Variants in WSCD1 observed in about 807,000 individuals in gnomAD.
WSCD1 encodes sialate:O-sulfotransferase 1.
Under a neutral mutation model 60.4 loss-of-function variants are expected in WSCD1, and 41 were observed. That is an observed-to-expected ratio of 0.68 (90% CI 0.53 to 0.88). The LOEUF is 0.88. Ranked by LOEUF, WSCD1 falls within the 40% of genes least tolerant of loss-of-function variation. The pLI is 0.00. For synonymous variants in WSCD1, 361 were observed against 332.5 expected (o/e 1.09, Z -0.93); for missense variants, 784 against 796.2 (o/e 0.98, Z 0.18).
intron 4 of WSCD1, among the ~76,000 whole-genome samples, chr17:6,092,499 C>A (rs867029065): frequency 9.9e-5 from 15 of 152,120 alleles, no homozygotes; most frequent in African/African-American, 9.7e-5. Flanking sequence ...ATGAACTTGG[C>A]AGTGTCTCAC....
intron 1 of WSCD1, among the ~76,000 whole-genome samples, chr17:6,072,423 T>G (rs1256529242): frequency 6.6e-6 from 1 of 152,202 alleles, no homozygotes; most frequent in Non-Finnish European, 1.5e-5. Context: ...CAGGCCCTGA[T>G]GGAACCCCTC....
At chr17:6,069,431 GA>G (rs1567546323), upstream of WSCD1, 62 of 46,316 alleles carry the variant, frequency 1.3e-3, no homozygotes, top group African/African-American at 4.1e-3. Flanking sequence ...GTGTGTGTGA[GA>G]GAGAGAGAGA....
chr17:6,098,770 G>A (rs1049676978), intron 5 of WSCD1, among the ~76,000 whole-genome samples: 17 of 152,218 alleles, frequency 1.1e-4, no homozygotes, highest in Admixed American at 5.2e-4. Context: ...GGTATTGGCA[G>A]CGCATATTTA....
intron 5 of WSCD1, among the ~76,000 whole-genome samples, chr17:6,100,230 G>A (rs993597831): frequency 1.3e-5 from 2 of 152,174 alleles, no homozygotes; most frequent in Non-Finnish European, 2.9e-5. Flanking sequence ...TGGGTTTGTG[G>A]GTGAGCGGGG....
At chr17:6,094,744 G>A (rs567380589) in intron 4 of WSCD1, among the ~76,000 whole-genome samples, 80 of 144,230 alleles carry the variant, frequency 5.5e-4, no homozygotes, top group African/African-American at 2.1e-3. Context: ...GAAGGAGGGA[G>A]GGAGGGAATG....
chr17:6,107,899 G>A (rs1911186392), intron 5 of WSCD1, among the ~76,000 whole-genome samples: 1 of 152,160 alleles, frequency 6.6e-6, no homozygotes, highest in South Asian at 2.1e-4. Flanking sequence ...AGTGGTGTAG[G>A]GGCCGTGAGG....
Position 6,075,527 on chromosome 17 carries a change from AAAGTAATAGAC to A in WSCD1, c.-288-4841_-288-4831del, listed in dbSNP as rs1343402065. ...TGCTCCCTCGGTCCCAGATGGCAAC[AAAGTAATAGAC>A]AAAAGCTCAGGTTGTCTGAATATCC... is the stretch of plus-strand genomic sequence containing the variant. On this transcript the variant is annotated intron_variant, in intron 1 of 8. Coordinates refer to ENST00000317744, the MANE Select transcript of WSCD1 (RefSeq NM_015253.2). This position sits in a 1 kb window ranked among gnomAD's most constrained non-coding sequence, Gnocchi z 4.1. Among the ~76,000 whole-genome samples the A allele has an allele frequency of 6.6e-6, 1 of 152,112 alleles. No homozygotes were observed. The highest frequency in any genetic ancestry group is 1.5e-5 in the Non-Finnish European group (1 of 68,014).
At chr17:6,071,243 A>G (rs1338016625) in intron 1 of WSCD1, 1 of 152,234 alleles carries the variant, frequency 6.6e-6, no homozygotes, top group African/African-American at 2.4e-5. Context: ...GAGACTCACG[A>G]CTGAAGGTTG....
At chr17:6,086,947 A>G (rs1352229777) in intron 2 of WSCD1, among the ~76,000 whole-genome samples, 1 of 152,178 alleles carries the variant, frequency 6.6e-6, no homozygotes, top group Non-Finnish European at 1.5e-5. Context: ...GAGACAGCCT[A>G]ATTTCTCTGG....
At chr17:6,092,245 A>G (rs542986983) in intron 4 of WSCD1, among the ~76,000 whole-genome samples, 1 of 151,726 alleles carries the variant, frequency 6.6e-6, no homozygotes, top group East Asian at 1.9e-4. Context: ...TCCAAGCAGC[A>G]CAGAAGCCGA....
chr17:6,123,581 G>A lies in WSCD1; in HGVS notation c.*2920G>A, dbSNP rs1475504749. On this transcript the variant is annotated 3_prime_UTR_variant, in exon 9 of 9. Transcript: ENST00000317744. ...TAGCAGTAGCCACTTGGTTCTTAGG[G>A]GGCCCCAAGAGGAGAGGAGAAGTGC... 1 of 152,156 alleles carries A rather than the reference G, an allele frequency of 6.6e-6. No homozygotes were observed. Among genetic ancestry groups the A allele is most frequent in the Non-Finnish European group, 1.5e-5 (1 of 68,028 alleles). 9.4% of individuals were successfully genotyped at this position (152,156 alleles called of 1,614,324 possible).
At chr17:6,109,174 G>A (rs888974440) in intron 5 of WSCD1, among the ~76,000 whole-genome samples, 1 of 152,070 alleles carries the variant, frequency 6.6e-6, no homozygotes, top group Admixed American at 6.6e-5. Context: ...GATCTGCCCC[G>A]CTCTGTGCCA....
At chr17:6,089,908 GAGACTGATTCCTAA>G (rs1909909442) in intron 3 of WSCD1, among the ~76,000 whole-genome samples, 1 of 152,184 alleles carries the variant, frequency 6.6e-6, no homozygotes, top group Admixed American at 6.5e-5. Context: ...AGTCTGGCTA[GAGACTGATTCCTAA>G]GGCCAGCCAT....
chr17:6,101,965 C>G lies in WSCD1; in HGVS notation c.849+6742C>G, dbSNP rs75643595. ...AGGTTACTAATGTGAGACACTCCAC[C>G]GGCGATTATACCTTGTGATGTGAGG... On this transcript the variant is annotated intron_variant, in intron 5 of 8. Transcript: ENST00000317744. The surrounding 1 kb of genome is among the most constrained non-coding windows in gnomAD (Gnocchi z 4.1). 4.6e-4 allele frequency among the ~76,000 whole-genome samples: 70 copies of G among 152,272 alleles called. No homozygotes were observed. The East Asian group carries it at 0.013, about 29-fold the overall frequency.
chr17:6,109,816 G>A (rs767459490), intron 6 of WSCD1, 50 bp downstream of exon 6: 12 of 1,588,470 alleles, frequency 7.6e-6, no homozygotes, highest in East Asian at 4.5e-5. Context: ...GGGGGGTGGG[G>A]AGAGCTTCCA....
chr17:6,113,808 T>G (rs191170602), intron 7 of WSCD1, among the ~76,000 whole-genome samples: 2 of 152,236 alleles, frequency 1.3e-5, no homozygotes, highest in African/African-American at 4.8e-5. Flanking sequence ...TCGCCCCAGT[T>G]AGAGTGGCTA....
chr17:6,079,883 T>C (rs930240500), intron 1 of WSCD1, among the ~76,000 whole-genome samples: 2 of 152,246 alleles, frequency 1.3e-5, no homozygotes, highest in African/African-American at 4.8e-5. Flanking sequence ...GGCTCTCCTG[T>C]TTACCAGCTG....
rs1212876926 is a variant in WSCD1, at chr17:6,075,257, C to A, written c.-289+4605C>A. On this transcript the variant is annotated intron_variant, in intron 1 of 8. Transcript: ENST00000317744. This position sits in a 1 kb window ranked among gnomAD's most constrained non-coding sequence, Gnocchi z 4.1. ...TCTGGGGATGTCTGGTGTCATTTTC[C>A]CTTCAGCTGCCTCTGCCTGTTCTCT... 1.3e-5 allele frequency among the ~76,000 whole-genome samples: 2 copies of A among 152,200 alleles called. No homozygotes were observed. Among genetic ancestry groups the A allele is most frequent in the Non-Finnish European group, 2.9e-5 (2 of 68,036 alleles).
intron 7 of WSCD1, 36 bp from the exon 8 acceptor site, chr17:6,117,952 C>T: frequency 1.2e-6 from 2 of 1,608,842 alleles, no homozygotes; most frequent in South Asian, 2.2e-5. Flanking sequence ...CCATGGACAC[C>T]ATCTTCCACA....
Sources: gnomAD v4.1 joint callset for allele counts (sites outside exome capture counted in the v4.1 genomes callset) on GRCh38, gnomAD v4.1.1 for gene constraint, Gnocchi (gnomAD v3.1) non-coding constraint, MANE v1.5 for transcripts, NCBI Gene and HGNC (gene_info 2026-07-23, HGNC 2026-07-21) for gene names.